MAML3: variants seen among roughly 807,000 people sequenced by gnomAD.
MAML3 encodes mastermind like transcriptional coactivator 3.
In MAML3, 27 loss-of-function variants were observed where a neutral mutation model predicts 101.9. The ratio of observed to expected loss-of-function variants is 0.27; its 90% CI spans 0.20 to 0.37. The LOEUF is 0.37. MAML3 is among the 10% of genes least tolerant of loss of function. MAML3 has a pLI of 1.00. For missense variants in MAML3, 1,316 were observed against 1,444.9 expected (o/e 0.91, Z 1.45); for synonymous variants, 501 against 555.9 (o/e 0.90, Z 1.39).
intron 2 of MAML3, among the ~76,000 whole-genome samples, chr4:139,807,241 T>A (rs1730717916): frequency 6.6e-6 from 1 of 152,200 alleles, no homozygotes; most frequent in African/African-American, 2.4e-5. Flanking sequence ...TTCGGAAAGC[T>A]GCTTTGCAAA....
At chr4:140,041,927 A>G (rs28568398) in intron 1 of MAML3, among the ~76,000 whole-genome samples, 5,489 of 152,292 alleles carry the variant, frequency 0.036, 197 homozygotes, top group African/African-American at 0.089. Context: ...ATGGGTAGCA[A>G]TCTCTTGTTC....
chr4:139,780,918 T>G (rs897628866), intron 2 of MAML3, among the ~76,000 whole-genome samples: 1 of 152,164 alleles, frequency 6.6e-6, no homozygotes, highest in South Asian at 2.1e-4. Context: ...TGTGAGCCAC[T>G]GCACCTGACA....
At chr4:139,855,614 T>A (rs770503496) in intron 2 of MAML3, among the ~76,000 whole-genome samples, 5 of 152,232 alleles carry the variant, frequency 3.3e-5, no homozygotes, top group Admixed American at 6.5e-5. Context: ...CTGAAAAGGA[T>A]GTTTGATTGT....
At position 139,891,000 on chromosome 4, in the gene MAML3, C is replaced by A. The variant is rs776382352; in HGVS notation, c.469-33G>T. 5.7e-6 allele frequency: 9 copies of A among 1,587,960 alleles called. No homozygotes were observed. The highest frequency in any genetic ancestry group is 2.7e-5 in the African/African-American group (2 of 74,338). On this transcript the variant is annotated intron_variant, in intron 1 of 4. Coordinates refer to ENST00000509479, the MANE Select transcript of MAML3 (RefSeq NM_018717.5). The surrounding 1 kb of genome is among the most constrained non-coding windows in gnomAD (Gnocchi z 4.1). Reference sequence around the variant, plus strand: ...AGAAACAGGAAAGAGGATGACTAAACCTCCAAGTCATATTTTACTCTTTAA... The same window carrying A: ...AGAAACAGGAAAGAGGATGACTAAAACTCCAAGTCATATTTTACTCTTTAA...
chr4:139,719,621 G>A lies in MAML3; in HGVS notation c.3119C>T (p.Thr1040Ile). Residue 1040 changes from threonine to isoleucine, a missense_variant, in exon 5 of 5, where the codon ACC becomes ATC. Thr to Ile is a moderately conservative substitution (Grantham distance 89). Transcript: ENST00000509479. ...CATGACCATTGGCCTCGCCTGGCTG[G>A]TGCCTTGCTGCCCCGGGAGCGATGG... ...MMPSLPGQQG[T>I]SQARPMVMSG... The A allele has an allele frequency of 6.2e-7, 1 of 1,612,584 alleles. No individual in the cohort carries two copies. The highest frequency in any genetic ancestry group is 8.5e-7 in the Non-Finnish European group (1 of 1,179,386).
At chr4:140,024,418 G>C (rs1236786878) in intron 1 of MAML3, among the ~76,000 whole-genome samples, 4 of 152,020 alleles carry the variant, frequency 2.6e-5, no homozygotes, top group East Asian at 1.9e-4. Flanking sequence ...AACAGAGATG[G>C]GTGCCTCACT....
At chr4:139,836,097 T>C (rs1731251831) in intron 2 of MAML3, among the ~76,000 whole-genome samples, 1 of 152,232 alleles carries the variant, frequency 6.6e-6, no homozygotes, top group South Asian at 2.1e-4. Flanking sequence ...CTTGGCCCTC[T>C]AGGGCTGAAA....
chr4:140,015,020 A>G (rs934444779), intron 1 of MAML3, among the ~76,000 whole-genome samples: 2 of 152,256 alleles, frequency 1.3e-5, no homozygotes, highest in Non-Finnish European at 2.9e-5. Flanking sequence ...AAAAATTTAA[A>G]AAGTAATTAA....
At chr4:140,117,193 A>G (rs1728530531) in intron 1 of MAML3, among the ~76,000 whole-genome samples, 1 of 152,200 alleles carries the variant, frequency 6.6e-6, no homozygotes, top group Admixed American at 6.5e-5. Context: ...GGGGAAAGCC[A>G]TTATCTGGCA....
intron 4 of MAML3, among the ~76,000 whole-genome samples, chr4:139,725,187 C>T (rs1560770082): frequency 6.6e-6 from 1 of 152,198 alleles, no homozygotes. Context: ...TTCCCGCAAA[C>T]GGCTACAGGA....
chr4:139,748,214 C>A (rs962535589), intron 2 of MAML3, among the ~76,000 whole-genome samples: 1 of 152,192 alleles, frequency 6.6e-6, no homozygotes, highest in African/African-American at 2.4e-5. Flanking sequence ...TTGTCCAGGG[C>A]CTAAACAGGA....
intron 1 of MAML3, among the ~76,000 whole-genome samples, chr4:139,962,872 A>G (rs959000217): frequency 3.3e-5 from 5 of 151,248 alleles, no homozygotes; most frequent in African/African-American, 9.9e-5. Flanking sequence ...CTCTTGTTAC[A>G]TGGGGGAATG....
intron 1 of MAML3, among the ~76,000 whole-genome samples, chr4:139,992,308 T>C (rs1734693981): frequency 6.6e-6 from 1 of 152,208 alleles, no homozygotes; most frequent in African/African-American, 2.4e-5. Context: ...TTTGTGTATG[T>C]TTCTGTGTGG....
chr4:140,013,871 A>G (rs1197072113), intron 1 of MAML3, among the ~76,000 whole-genome samples: 1 of 152,240 alleles, frequency 6.6e-6, no homozygotes, highest in African/African-American at 2.4e-5. Flanking sequence ...TTTCTGGACC[A>G]TAACAGATAC....
chr4:139,936,403 C>T (rs140667701), intron 1 of MAML3, among the ~76,000 whole-genome samples: 226 of 152,246 alleles, frequency 1.5e-3, no homozygotes, highest in African/African-American at 5.1e-3. Context: ...GATACATATC[C>T]GGAAGCAAAG....
At chr4:139,985,900 T>C (rs1439272081) in intron 1 of MAML3, among the ~76,000 whole-genome samples, 1 of 152,256 alleles carries the variant, frequency 6.6e-6, no homozygotes, top group Non-Finnish European at 1.5e-5. Flanking sequence ...GAATGCAATC[T>C]CTTCAAGAGT....
intron 1 of MAML3, among the ~76,000 whole-genome samples, chr4:139,923,383 G>A (rs542472744): frequency 6.6e-6 from 1 of 152,278 alleles, no homozygotes; most frequent in Admixed American, 6.5e-5. Context: ...TTGACATCAG[G>A]TGAGGCATTA....
rs537410758 is a variant in MAML3 at position 140,118,820 on chromosome 4, G to GT, written c.468+34039dup. 2.6e-5 allele frequency among the ~76,000 whole-genome samples: 4 copies of GT among 152,246 alleles called. No individual in the cohort carries two copies. The East Asian group carries it at 7.7e-4, about 29-fold the overall frequency. On this transcript the variant is annotated intron_variant, in intron 1 of 4. Transcript: ENST00000509479. Reference sequence around the variant, plus strand: ...CTCTCCGATTGCAAAAATAACATGCGTAAGAGCCACTTCTGATCAAGTAAC... The same window carrying GT: ...CTCTCCGATTGCAAAAATAACATGCGTTAAGAGCCACTTCTGATCAAGTAAC...
At chr4:139,943,864 C>CCT (rs1733652525) in intron 1 of MAML3, among the ~76,000 whole-genome samples, 1 of 65,824 alleles carries the variant, frequency 1.5e-5, no homozygotes, top group Non-Finnish European at 2.8e-5. Flanking sequence ...CTAAAGACAA[C>CCT]TTTTTTTTTT....
Sources: gnomAD v4.1 joint callset for allele counts (sites outside exome capture counted in the v4.1 genomes callset) on GRCh38, gnomAD v4.1.1 for gene constraint, Gnocchi (gnomAD v3.1) non-coding constraint, MANE v1.5 for transcripts, NCBI Gene and HGNC (gene_info 2026-07-23, HGNC 2026-07-21) for gene names.